GRID2: variants seen among roughly 807,000 people sequenced by gnomAD.
The protein encoded by GRID2 is glutamate ionotropic receptor delta type subunit 2.
Under a neutral mutation model 114.8 loss-of-function variants are expected in GRID2, and 33 were observed. That is an observed-to-expected ratio of 0.29 (90% CI 0.22 to 0.38). GRID2 has a LOEUF of 0.38. Among genes scored for constraint, GRID2 ranks in the 10% least tolerant of loss-of-function variants. GRID2 has a pLI of 1.00. For synonymous variants in GRID2, 505 were observed against 449.9 expected, an observed-to-expected ratio of 1.12 and a Z score of -1.55; for missense variants, 1,184 against 1,257.7, an observed-to-expected ratio of 0.94 and a Z score of 0.89.
chr4:93,282,702 ATCTGT>A (rs1752774153), intron 8 of GRID2, among the ~76,000 whole-genome samples: 1 of 152,022 alleles, frequency 6.6e-6, no homozygotes, highest in Non-Finnish European at 1.5e-5. Flanking sequence ...CCCTGTGTTA[ATCTGT>A]TCTTGTGTTA....
intron 13 of GRID2, among the ~76,000 whole-genome samples, chr4:93,604,661 A>G (rs1363279505): frequency 6.6e-6 from 1 of 152,186 alleles, no homozygotes; most frequent in Admixed American, 6.5e-5. Context: ...GAATGTGGCA[A>G]ATTTAATTGT....
chr4:92,555,119 T>G (rs1256585883), intron 1 of GRID2, among the ~76,000 whole-genome samples: 1 of 152,150 alleles, frequency 6.6e-6, no homozygotes, highest in Admixed American at 6.6e-5. Flanking sequence ...TACCATAAAA[T>G]ATTAAATAAA....
chr4:93,063,338 A>C (rs1727973955), intron 2 of GRID2, among the ~76,000 whole-genome samples: 1 of 151,862 alleles, frequency 6.6e-6, no homozygotes, highest in Admixed American at 6.6e-5. Flanking sequence ...ACAATCCTTA[A>C]TGGGTTTTGC....
chr4:92,629,383 C>A (rs753135050), intron 2 of GRID2, among the ~76,000 whole-genome samples: 1 of 152,052 alleles, frequency 6.6e-6, no homozygotes, highest in Non-Finnish European at 1.5e-5. Flanking sequence ...CATTTCAAAC[C>A]TCCTCAGTAC....
intron 2 of GRID2, among the ~76,000 whole-genome samples, chr4:93,058,357 G>A (rs943792900): frequency 2.6e-5 from 4 of 151,862 alleles, no homozygotes; most frequent in Non-Finnish European, 4.4e-5. Context: ...ATTAAACTTT[G>A]CTCAGCAATT....
At chr4:93,487,947 A>G (rs996269831) in intron 11 of GRID2, among the ~76,000 whole-genome samples, 11 of 151,966 alleles carry the variant, frequency 7.2e-5, no homozygotes, top group Admixed American at 5.3e-4. Flanking sequence ...GTAATTATCA[A>G]ATAACATTTT....
chr4:93,148,021 A>G (rs1736413171), intron 4 of GRID2, among the ~76,000 whole-genome samples: 1 of 152,200 alleles, frequency 6.6e-6, no homozygotes, highest in South Asian at 2.1e-4. Context: ...GTACATAGCA[A>G]GTGCTTCACA....
At chr4:93,210,743 G>T (rs1743370108) in intron 5 of GRID2, among the ~76,000 whole-genome samples, 1 of 151,694 alleles carries the variant, frequency 6.6e-6, no homozygotes, top group African/African-American at 2.4e-5. Flanking sequence ...AATATTTTTT[G>T]ATAATTATCT....
chr4:92,471,991 T>C (rs1722065527), intron 1 of GRID2, among the ~76,000 whole-genome samples: 1 of 54,288 alleles, frequency 1.8e-5, no homozygotes, highest in Admixed American at 1.7e-4. Context: ...TGGAGTGCAG[T>C]GGCGGGATCT....
intron 13 of GRID2, among the ~76,000 whole-genome samples, chr4:93,517,887 CAT>C (rs769343019): frequency 4.1e-5 from 6 of 146,308 alleles, no homozygotes; most frequent in East Asian, 2.0e-4. Flanking sequence ...GGCAAGAATC[CAT>C]ATATATATAT....
intron 4 of GRID2, among the ~76,000 whole-genome samples, chr4:93,130,754 A>G (rs528646545): frequency 6.6e-6 from 1 of 152,292 alleles, no homozygotes; most frequent in South Asian, 2.1e-4. Context: ...CACACCATAT[A>G]TAGCCTAATA....
intron 1 of GRID2, among the ~76,000 whole-genome samples, chr4:92,521,972 C>T (rs144122879): frequency 2.5e-4 from 38 of 152,050 alleles, no homozygotes; most frequent in African/African-American, 8.9e-4. Context: ...AACAACAAAT[C>T]AAGATTCCAT....
chr4:93,387,137 T>A lies in GRID2; in HGVS notation c.1246-8470T>A, dbSNP rs1037615959. Reference sequence around the variant, plus strand: ...TCCTTGAGAGGATTTCTAGGAGAAATCCTCCCAAAAGTTTCAACAGTTTAT... The same window carrying A: ...TCCTTGAGAGGATTTCTAGGAGAAAACCTCCCAAAAGTTTCAACAGTTTAT... On this transcript the variant is annotated intron_variant, in intron 8 of 15. Coordinates refer to ENST00000282020, the MANE Select transcript of GRID2 (RefSeq NM_001510.4). Among the ~76,000 whole-genome samples, 4 of 152,084 alleles carry A rather than the reference T, an allele frequency of 2.6e-5. No individual in the cohort carries two copies. The East Asian group carries it at 7.7e-4, about 29-fold the overall frequency.
At chr4:93,014,259 C>T (rs932284124) in intron 2 of GRID2, among the ~76,000 whole-genome samples, 8 of 152,082 alleles carry the variant, frequency 5.3e-5, no homozygotes, top group East Asian at 1.9e-4. Context: ...CACCCAGAAG[C>T]CCTACCTCTA....
Position 93,323,703 on chromosome 4 carries a change from T to G in GRID2, c.1246-71904T>G, listed in dbSNP as rs1757503819. Among the ~76,000 whole-genome samples the G allele has an allele frequency of 2.0e-5, 3 of 152,194 alleles. No homozygotes were observed. In the South Asian group the frequency reaches 6.2e-4, roughly 31 times the overall value. ...AGCATGGAATGTTCTTCCATTTGTT[T>G]GTGTCCTCTTTCATTTCATTGAGCA... On this transcript the variant is annotated intron_variant, in intron 8 of 15. Coordinates refer to ENST00000282020, the MANE Select transcript of GRID2 (RefSeq NM_001510.4).
At position 92,937,669 on chromosome 4, in the gene GRID2, G is replaced by C. The variant is rs976054209; in HGVS notation, c.245-147326G>C. ...TATATTATTTTTCATAATTGTTTTA[G>C]CTTTGGGGCTCCTTGCCTTCCACTG... On this transcript the variant is annotated intron_variant, in intron 2 of 15. Coordinates refer to ENST00000282020, the MANE Select transcript of GRID2 (RefSeq NM_001510.4). Among the ~76,000 whole-genome samples the C allele has an allele frequency of 1.1e-4, 16 of 146,810 alleles. 1 individual carries two copies. Among genetic ancestry groups the C allele is most frequent in the South Asian group, 2.3e-4 (1 of 4,386 alleles).
At chr4:92,577,280 A>G (rs1271772306) in intron 1 of GRID2, among the ~76,000 whole-genome samples, 3 of 152,150 alleles carry the variant, frequency 2.0e-5, no homozygotes, top group Non-Finnish European at 2.9e-5. Context: ...TCTCATATAG[A>G]GTATACAGGG....
intron 2 of GRID2, among the ~76,000 whole-genome samples, chr4:92,721,847 A>G (rs1172011848): frequency 1.3e-5 from 2 of 152,184 alleles, no homozygotes; most frequent in Admixed American, 1.3e-4. Context: ...CCTAAACTAT[A>G]TGGTGAACAC....
rs1579764279 is a variant in GRID2 at position 93,347,348 on chromosome 4, A to G, written c.1246-48259A>G. On this transcript the variant is annotated intron_variant, in intron 8 of 15. Transcript: ENST00000282020. ...TCTGATACACTTTTTTCCTTCAAACACATTTAATTTGTAAGTACATCAAAA... is the reference window on the plus strand; with the variant it reads ...TCTGATACACTTTTTTCCTTCAAACGCATTTAATTTGTAAGTACATCAAAA... Among the ~76,000 whole-genome samples, 4 of 152,224 alleles carry G rather than the reference A, an allele frequency of 2.6e-5. No individual in the cohort carries two copies. In the South Asian group the frequency reaches 8.3e-4, roughly 32 times the overall value.
Sources: gnomAD v4.1 joint callset for allele counts (sites outside exome capture counted in the v4.1 genomes callset) on GRCh38, gnomAD v4.1.1 for gene constraint, MANE v1.5 for transcripts, NCBI Gene and HGNC (gene_info 2026-07-23, HGNC 2026-07-21) for gene names.